Variants in RAB6A observed in about 807,000 individuals in gnomAD.
The protein encoded by RAB6A is RAB6A, member RAS oncogene family, also known as ras-related protein Rab-6A.
A neutral mutation model predicts 32.3 loss-of-function variants in RAB6A; 8 were observed. That is an observed-to-expected ratio of 0.25 (90% CI 0.15 to 0.45). The LOEUF (loss-of-function observed/expected upper bound fraction) is 0.45, where lower values mean the gene tolerates loss of function less well. RAB6A is among the 20% of genes least tolerant of loss of function. The probability of loss-of-function intolerance (pLI) is 1.00; values close to 1 mark genes in which losing one functional copy is unlikely to be tolerated. For missense variants in RAB6A, 104 were observed against 249.4 expected (o/e 0.42, Z 3.93); for synonymous variants, 73 against 82.1 (o/e 0.89, Z 0.60).
At chr11:73,703,835 C>A (rs1039812121) in intron 6 of RAB6A, among the ~76,000 whole-genome samples, 3 of 151,762 alleles carry the variant, frequency 2.0e-5, no homozygotes, top group East Asian at 1.9e-4. Context: ...TTTGGGAGGC[C>A]GAGATGGATG....
At chr11:73,718,980 G>C in intron 3 of RAB6A, 1 of 1,224,882 alleles carries the variant, frequency 8.2e-7, no homozygotes, top group South Asian at 1.4e-5. Context: ...AAAGGGAGAG[G>C]GTGGGAAGGA....
At chr11:73,681,373 G>C (rs564347424) in intron 6 of RAB6A, among the ~76,000 whole-genome samples, 9 of 152,318 alleles carry the variant, frequency 5.9e-5, no homozygotes, top group Non-Finnish European at 1.3e-4. Flanking sequence ...AGATTTAAAG[G>C]CAGTCTTAAA....
intron 1 of RAB6A, among the ~76,000 whole-genome samples, chr11:73,746,355 C>A (rs774662433): frequency 9.9e-5 from 15 of 151,912 alleles, no homozygotes; most frequent in South Asian, 2.1e-4. Flanking sequence ...TACACACACA[C>A]AAAAAATAGC....
chr11:73,744,355 AT>A (rs1555067812), intron 1 of RAB6A, among the ~76,000 whole-genome samples: 1 of 148,916 alleles, frequency 6.7e-6, no homozygotes, highest in Non-Finnish European at 1.5e-5. Flanking sequence ...AAAAAAAAAA[AT>A]TTAAATTAGC....
intron 1 of RAB6A, among the ~76,000 whole-genome samples, chr11:73,758,145 G>A (rs534790695): frequency 2.2e-5 from 3 of 139,060 alleles, no homozygotes; most frequent in Non-Finnish European, 4.7e-5. Context: ...GACTTCTAAC[G>A]CATAAGAAAA....
intron 1 of RAB6A, among the ~76,000 whole-genome samples, chr11:73,755,294 T>C (rs1946729384): frequency 6.6e-6 from 1 of 151,346 alleles, no homozygotes; most frequent in African/African-American, 2.4e-5. Context: ...AATGTTGATA[T>C]ATTTATTCAT....
intron 6 of RAB6A, among the ~76,000 whole-genome samples, chr11:73,697,831 GTTAA>G (rs943424622): frequency 1.4e-4 from 21 of 152,194 alleles, no homozygotes; most frequent in African/African-American, 5.1e-4. Flanking sequence ...AAATATCTGA[GTTAA>G]TTAATGACTG....
intron 1 of RAB6A, among the ~76,000 whole-genome samples, chr11:73,754,759 A>G (rs1417701820): frequency 1.3e-5 from 2 of 152,062 alleles, no homozygotes; most frequent in Admixed American, 1.3e-4. Flanking sequence ...TCTCTACTAA[A>G]AAGTCAAAAA....
intron 2 of RAB6A, among the ~76,000 whole-genome samples, chr11:73,721,668 T>C (rs1946134713): frequency 6.6e-6 from 1 of 152,172 alleles, no homozygotes. Context: ...AAAGAGGATG[T>C]TGATATGGAC....
chr11:73,713,017 T>C (rs111916258), intron 5 of RAB6A, among the ~76,000 whole-genome samples: 1 of 152,212 alleles, frequency 6.6e-6, no homozygotes, highest in Non-Finnish European at 1.5e-5. Context: ...TGGCCAGATT[T>C]TTCTTTTACT....
At chr11:73,739,247 A>T (rs1403938851) in intron 1 of RAB6A, among the ~76,000 whole-genome samples, 1 of 117,828 alleles carries the variant, frequency 8.5e-6, no homozygotes, top group Non-Finnish European at 1.7e-5. Context: ...TGCAAAAAAA[A>T]AATAGTAATA....
At chr11:73,720,029 A>C (rs1370319826) in intron 3 of RAB6A, among the ~76,000 whole-genome samples, 1 of 151,972 alleles carries the variant, frequency 6.6e-6, no homozygotes, top group Non-Finnish European at 1.5e-5. Flanking sequence ...TTTTGGGTGC[A>C]GGTCTCAAAG....
intron 6 of RAB6A, among the ~76,000 whole-genome samples, chr11:73,687,226 G>A (rs112242025): frequency 2.0e-5 from 3 of 152,106 alleles, no homozygotes; most frequent in African/African-American, 7.2e-5. Flanking sequence ...GCTGGGGGAA[G>A]GGGGAAATAA....
chr11:73,677,516 A>T lies in RAB6A; in HGVS notation c.*382T>A. On this transcript the variant is annotated 3_prime_UTR_variant, in exon 8 of 8. Transcript: ENST00000336083. The stretch of plus-strand genomic sequence containing the variant: ...GGGTAAGTGAGAGGTGAGAAAAGCA[A>T]GGAGAGATAAAGTAGGCTGTGAACA... 1 of 393,982 alleles carries T rather than the reference A, an allele frequency of 2.5e-6. No homozygotes were observed. The highest frequency in any genetic ancestry group is 4.5e-5 in the South Asian group (1 of 22,006). 24.4% of individuals were successfully genotyped at this position (393,982 alleles called of 1,614,324 possible).
chr11:73,739,280 AAAAAATAT>A (rs1245655365), intron 1 of RAB6A, among the ~76,000 whole-genome samples: 2 of 18,430 alleles, frequency 1.1e-4, no homozygotes, highest in Non-Finnish European at 1.3e-4. Flanking sequence ...AAAAAAAAAA[AAAAAATAT>A]ATATATATAT....
At chr11:73,714,944 C>T (rs561925909) in intron 5 of RAB6A, among the ~76,000 whole-genome samples, 1 of 151,922 alleles carries the variant, frequency 6.6e-6, no homozygotes, top group African/African-American at 2.4e-5. Context: ...CCAGCCTGGG[C>T]GACGGAATGA....
At chr11:73,736,821 A>AC (rs1333360731) in intron 1 of RAB6A, among the ~76,000 whole-genome samples, 1 of 145,022 alleles carries the variant, frequency 6.9e-6, no homozygotes, top group East Asian at 2.0e-4. Context: ...AAAAAAAAAA[A>AC]AAAAACAATT....
intron 1 of RAB6A, among the ~76,000 whole-genome samples, chr11:73,734,516 G>A (rs1946364137): frequency 6.6e-6 from 1 of 152,176 alleles, no homozygotes; most frequent in African/African-American, 2.4e-5. Context: ...TTTGGCACCA[G>A]GGACCAGTTT....
At chr11:73,746,183 T>C (rs1041368485) in intron 1 of RAB6A, among the ~76,000 whole-genome samples, 1 of 151,514 alleles carries the variant, frequency 6.6e-6, no homozygotes, top group Non-Finnish European at 1.5e-5. Flanking sequence ...AAAAAAGCTG[T>C]TGTAAGCTAA....
Sources: gnomAD v4.1 joint callset for allele counts (sites outside exome capture counted in the v4.1 genomes callset) on GRCh38, gnomAD v4.1.1 for gene constraint, MANE v1.5 for transcripts, NCBI Gene and HGNC (gene_info 2026-07-23, HGNC 2026-07-21) for gene names.